The following NRG1 variants were observed in gnomAD, a reference collection of about 807,000 sequenced individuals.
The protein encoded by NRG1 is neuregulin 1, also known as pro-neuregulin-1, membrane-bound isoform.
In NRG1, 18 loss-of-function variants were observed where a neutral mutation model predicts 63.8. That is an observed-to-expected ratio of 0.28 (90% confidence interval 0.19 to 0.42). The LOEUF is 0.42. Ranked by LOEUF, NRG1 falls within the 10% of genes least tolerant of loss-of-function variation. NRG1 has a pLI of 1.00. For synonymous variants in NRG1, 302 were observed against 301.3 expected (o/e 1.00, Z -0.02); for missense variants, 762 against 814.7 (o/e 0.94, Z 0.79).
chr8:31,709,732 G>A (rs1811548507), intron 1 of NRG1, among the ~76,000 whole-genome samples: 1 of 151,714 alleles, frequency 6.6e-6, no homozygotes, highest in African/African-American at 2.4e-5. Context: ...AATTTATTTT[G>A]GCATAGAGCT....
intron 1 of NRG1, among the ~76,000 whole-genome samples, chr8:32,163,131 C>G (rs1260829059): frequency 6.6e-6 from 1 of 152,192 alleles, no homozygotes; most frequent in Non-Finnish European, 1.5e-5. Context: ...TCAACAATTA[C>G]AAGAGCGAGA....
At chr8:32,162,150 CAT>C (rs1235114780) in intron 1 of NRG1, among the ~76,000 whole-genome samples, 1 of 152,138 alleles carries the variant, frequency 6.6e-6, no homozygotes, top group African/African-American at 2.4e-5. Flanking sequence ...ATGTGAAAAA[CAT>C]ATTAATTGAG....
chr8:32,692,564 C>G (rs772568721), intron 5 of NRG1, among the ~76,000 whole-genome samples: 1 of 152,192 alleles, frequency 6.6e-6, no homozygotes, highest in Non-Finnish European at 1.5e-5. Flanking sequence ...AAAAGTGGGT[C>G]ATGGAACAAA....
At chr8:32,768,861 C>T (rs1289082990), downstream of NRG1, among the ~76,000 whole-genome samples, 1 of 152,174 alleles carries the variant, frequency 6.6e-6, no homozygotes, top group Admixed American at 6.5e-5. Flanking sequence ...TGTCCACCTC[C>T]ATCTGTGTAC....
At chr8:32,577,826 T>C (rs751408135) in intron 1 of NRG1, among the ~76,000 whole-genome samples, 4 of 152,076 alleles carry the variant, frequency 2.6e-5, no homozygotes, top group Admixed American at 2.0e-4. Flanking sequence ...TTATAGCACT[T>C]CTTACAAAAA....
chr8:32,591,925 AC>A (rs1040548286), intron 1 of NRG1, among the ~76,000 whole-genome samples: 56 of 151,996 alleles, frequency 3.7e-4, no homozygotes, highest in African/African-American at 1.3e-3. Flanking sequence ...CTGCACATGT[AC>A]CCCCTGCACC....
chr8:32,318,163 G>A (rs193015714), intron 1 of NRG1, among the ~76,000 whole-genome samples: 1 of 152,328 alleles, frequency 6.6e-6, no homozygotes, highest in African/African-American at 2.4e-5. Flanking sequence ...GTAAGCTTAG[G>A]ACTTTATCGT....
intron 1 of NRG1, among the ~76,000 whole-genome samples, chr8:32,006,083 T>C (rs1323176739): frequency 6.6e-6 from 1 of 151,998 alleles, no homozygotes; most frequent in Non-Finnish European, 1.5e-5. Flanking sequence ...ATTCAATAAC[T>C]ACCTAGAGAA....
rs80071022 is a variant in NRG1, at chr8:32,380,298, A to G, written c.38-215530A>G. On this transcript the variant is annotated intron_variant, in intron 1 of 10. Transcript: ENST00000519301. ...TTTTCCTCTTACCATCTCCTCGTAG[A>G]TTCTTCTTCTGGAATACTTTTGCCA... 8.6e-3 allele frequency among the ~76,000 whole-genome samples: 1,315 copies of G among 152,062 alleles called. 26 individuals carry two copies. Among genetic ancestry groups the G allele is most frequent in the African/African-American group, 0.03 (1,240 of 41,460 alleles).
At chr8:31,767,518 G>A (rs553459600) in intron 1 of NRG1, among the ~76,000 whole-genome samples, 100 of 152,212 alleles carry the variant, frequency 6.6e-4, no homozygotes, top group Middle Eastern at 6.8e-3. Context: ...TTTCACCACA[G>A]TAAGCCATAA....
intron 1 of NRG1, among the ~76,000 whole-genome samples, chr8:32,510,269 G>C (rs938211190): frequency 4.0e-5 from 6 of 151,820 alleles, no homozygotes; most frequent in Non-Finnish European, 8.8e-5. Context: ...GGCTGAGGCA[G>C]AAGGACTGCT....
At chr8:32,134,192 T>C (rs1421270683) in intron 1 of NRG1, among the ~76,000 whole-genome samples, 2 of 152,152 alleles carry the variant, frequency 1.3e-5, no homozygotes, top group Non-Finnish European at 2.9e-5. Context: ...AAAATTTTTT[T>C]TAAATATATG....
intron 1 of NRG1, among the ~76,000 whole-genome samples, chr8:32,132,004 T>G (rs955714222): frequency 2.0e-5 from 3 of 152,026 alleles, no homozygotes; most frequent in African/African-American, 7.2e-5. Context: ...TTTTCCTATG[T>G]GTATAAGATT....
At chr8:32,041,297 C>A (rs190403205) in intron 1 of NRG1, among the ~76,000 whole-genome samples, 5 of 152,226 alleles carry the variant, frequency 3.3e-5, no homozygotes, top group Middle Eastern at 3.4e-3. Flanking sequence ...ATGGTATTTA[C>A]CCTGTTCAAA....
At chr8:32,549,117 C>T (rs1427559439) in intron 1 of NRG1, among the ~76,000 whole-genome samples, 1 of 152,210 alleles carries the variant, frequency 6.6e-6, no homozygotes, top group Non-Finnish European at 1.5e-5. Context: ...CGGCCCCTCC[C>T]CAGCGCCTTA....
intron 1 of NRG1, among the ~76,000 whole-genome samples, chr8:32,236,600 T>G (rs1447259011): frequency 6.6e-6 from 1 of 152,154 alleles, no homozygotes; most frequent in African/African-American, 2.4e-5. Context: ...CACTTTCCTC[T>G]CCAAGCAGCA....
rs535794816 is a variant in NRG1 at position 32,247,935 on chromosome 8, T to G, written c.38-347893T>G. ...ACAGAGGCAAAATTAAATTCTACTTTGCATCATTATGGCATTTGATATTAA... is the reference window on the plus strand; with the variant it reads ...ACAGAGGCAAAATTAAATTCTACTTGGCATCATTATGGCATTTGATATTAA... On this transcript the variant is annotated intron_variant, in intron 1 of 10. Transcript: ENST00000519301. Among the ~76,000 whole-genome samples the G allele has an allele frequency of 7.9e-5, 12 of 152,282 alleles. No homozygotes were observed. The South Asian group carries it at 2.3e-3, about 29-fold the overall frequency.
chr8:32,121,443 G>A (rs1381028522), intron 1 of NRG1, among the ~76,000 whole-genome samples: 3 of 151,374 alleles, frequency 2.0e-5, no homozygotes, highest in Non-Finnish European at 4.4e-5. Context: ...CCTTTGTAAG[G>A]GACATCATAA....
At chr8:32,514,834 C>T (rs939197699) in intron 1 of NRG1, among the ~76,000 whole-genome samples, 2 of 151,718 alleles carry the variant, frequency 1.3e-5, no homozygotes, top group African/African-American at 2.4e-5. Flanking sequence ...AAAATAATGT[C>T]GACTTTTGTT....
Sources: gnomAD v4.1 joint callset for allele counts (sites outside exome capture counted in the v4.1 genomes callset) on GRCh38, gnomAD v4.1.1 for gene constraint, MANE v1.5 for transcripts, NCBI Gene and HGNC (gene_info 2026-07-23, HGNC 2026-07-21) for gene names.